The following CSGALNACT1 variants were observed in gnomAD, a reference collection of about 807,000 sequenced individuals.
The protein encoded by CSGALNACT1 is chondroitin sulfate N-acetylgalactosaminyltransferase 1, also known as beta4GalNAcT-1.
Under a neutral mutation model 51.0 loss-of-function variants are expected in CSGALNACT1, and 52 were observed. That is an observed-to-expected ratio of 1.02 (90% CI 0.82 to 1.29). The LOEUF (loss-of-function observed/expected upper bound fraction) is 1.29. Ranked by LOEUF, CSGALNACT1 falls within the 50% of genes most tolerant of loss-of-function variation. The pLI is 0.00. For missense variants in CSGALNACT1, 935 were observed against 679.2 expected, an observed-to-expected ratio of 1.38 and a Z score of -4.19; for synonymous variants, 341 against 254.4, an observed-to-expected ratio of 1.34 and a Z score of -3.24.
chr8:19,534,675 C>T (rs370828863), intron 3 of CSGALNACT1, among the ~76,000 whole-genome samples: 17 of 151,882 alleles, frequency 1.1e-4, no homozygotes, highest in Non-Finnish European at 7.4e-5. Flanking sequence ...AATCGAAAAC[C>T]GAATCAGAAA....
At chr8:19,551,483 G>C (rs2088074022) in intron 3 of CSGALNACT1, among the ~76,000 whole-genome samples, 1 of 152,210 alleles carries the variant, frequency 6.6e-6, no homozygotes, top group African/African-American at 2.4e-5. Flanking sequence ...GGGTGAGACA[G>C]ATTAGAGCAT....
exon 10 of CSGALNACT1, chr8:19,404,995 G>C (rs1346640836): frequency 2.2e-6 from 1 of 453,748 alleles, no homozygotes; most frequent in African/African-American, 2.0e-5. Context: ...CCTTGGATAT[G>C]GCATCAATTT....
At chr8:19,505,172 C>G (rs751153521) in intron 4 of CSGALNACT1, 29 bp downstream of exon 3, 4 of 1,613,898 alleles carry the variant, frequency 2.5e-6, no homozygotes, top group Non-Finnish European at 3.4e-6. Context: ...CTTTTCTTCT[C>G]CTTTCCCCCC....
intron 3 of CSGALNACT1, among the ~76,000 whole-genome samples, chr8:19,509,820 G>T (rs949774865): frequency 6.6e-6 from 1 of 152,046 alleles, no homozygotes; most frequent in African/African-American, 2.4e-5. Flanking sequence ...GGAAAGCAAC[G>T]TGTAATTACC....
In CSGALNACT1 at chr8:19,550,456, G is replaced by A. The variant is rs530298199; in HGVS notation, c.-297+40704C>T. ...CTGTCATCATGCTTCTCATTTCCAA[G>A]CCCTCTTTCATGGATGCAATATCTT... On this transcript the variant is annotated intron_variant, in intron 3 of 9. Transcript: ENST00000454498. Among the ~76,000 whole-genome samples, 284 of 152,232 alleles carry A rather than the reference G, an allele frequency of 1.9e-3. 1 individual carries two copies. Among genetic ancestry groups the A allele is most frequent in the African/African-American group, 6.6e-3 (276 of 41,530 alleles).
At chr8:19,538,997 C>T (rs887776013) in intron 3 of CSGALNACT1, among the ~76,000 whole-genome samples, 7 of 152,140 alleles carry the variant, frequency 4.6e-5, no homozygotes, top group African/African-American at 1.2e-4. Context: ...AGACCTTGTG[C>T]TGGGCATACA....
intron 4 of CSGALNACT1, among the ~76,000 whole-genome samples, chr8:19,474,907 T>C (rs2153886080): frequency 1.4e-5 from 2 of 145,086 alleles, no homozygotes; most frequent in Middle Eastern, 7.5e-3. Context: ...AGAAAGCAAC[T>C]TCCATTTTTG....
At chr8:19,529,232 G>C (rs1457384286) in intron 3 of CSGALNACT1, among the ~76,000 whole-genome samples, 2 of 152,142 alleles carry the variant, frequency 1.3e-5, no homozygotes, top group Admixed American at 6.5e-5. Context: ...GAGTGGGAAG[G>C]AAATGGAGAC....
At chr8:19,421,209 A>G (rs1386826274) in intron 6 of CSGALNACT1, among the ~76,000 whole-genome samples, 3 of 152,160 alleles carry the variant, frequency 2.0e-5, no homozygotes, top group Non-Finnish European at 4.4e-5. Flanking sequence ...ACTATCCCAC[A>G]GGGTTATTAG....
chr8:19,453,807 G>C (rs930783788), intron 5 of CSGALNACT1, among the ~76,000 whole-genome samples: 1 of 152,044 alleles, frequency 6.6e-6, no homozygotes, highest in Admixed American at 6.6e-5. Context: ...AGCTACTCGG[G>C]AGGCTGAGGT....
At position 19,590,852 on chromosome 8, in the gene CSGALNACT1, T is replaced by C. The variant is rs1363083280; in HGVS notation, c.-297+308A>G. Among the ~76,000 whole-genome samples, 3 of 152,158 alleles carry C rather than the reference T, an allele frequency of 2.0e-5. No homozygotes were observed. The East Asian group carries it at 5.8e-4, about 29-fold the overall frequency. On this transcript the variant is annotated intron_variant, in intron 3 of 9. Coordinates refer to ENST00000454498, the Ensembl canonical transcript of CSGALNACT1. ...TTTTAGTAGAGACGGGGTTTCACCA[T>C]GTTGGCCAGGCTGGTTTTGAACTCG... is the stretch of plus-strand genomic sequence containing the variant.
intron 1 of CSGALNACT1, among the ~76,000 whole-genome samples, chr8:19,636,988 G>C (rs1425324882): frequency 6.6e-6 from 1 of 151,682 alleles, no homozygotes; most frequent in East Asian, 1.9e-4. Flanking sequence ...TCAGGAATTC[G>C]AGATCAGCCT....
chr8:19,615,288 G>C (rs1217346989), intron 1 of CSGALNACT1, among the ~76,000 whole-genome samples: 2 of 152,228 alleles, frequency 1.3e-5, no homozygotes, highest in African/African-American at 2.4e-5. Flanking sequence ...GGGGGACAAA[G>C]TGAGACTCCA....
chr8:19,652,660 A>C (rs1261115699), intron 1 of CSGALNACT1, among the ~76,000 whole-genome samples: 1 of 152,122 alleles, frequency 6.6e-6, no homozygotes, highest in Non-Finnish European at 1.5e-5. Flanking sequence ...TCCTCTATTT[A>C]CAGTAGACTT....
intron 4 of CSGALNACT1, among the ~76,000 whole-genome samples, chr8:19,488,555 A>G (rs536183140): frequency 1.6e-3 from 236 of 151,992 alleles, no homozygotes; most frequent in African/African-American, 5.4e-3. Context: ...ACGGTATCTC[A>G]GAGAAAATCA....
At chr8:19,656,531 A>G (rs1307441466) in intron 1 of CSGALNACT1, among the ~76,000 whole-genome samples, 1 of 151,964 alleles carries the variant, frequency 6.6e-6, no homozygotes, top group Non-Finnish European at 1.5e-5. Context: ...TTTACACTTA[A>G]AACACACACG....
At chr8:19,615,264 C>G (rs540794714) in intron 1 of CSGALNACT1, among the ~76,000 whole-genome samples, 22 of 152,286 alleles carry the variant, frequency 1.4e-4, no homozygotes, top group African/African-American at 5.3e-4. Context: ...GATTGTGCCA[C>G]TGTACTCCAG....
chr8:19,574,749 C>T (rs760562603), intron 3 of CSGALNACT1, among the ~76,000 whole-genome samples: 1 of 152,036 alleles, frequency 6.6e-6, no homozygotes, highest in African/African-American at 2.4e-5. Context: ...ATCCTCTCTC[C>T]GGCCAGATGT....
rs1589624003 is a variant in CSGALNACT1 at position 19,707,679 on chromosome 8, T to A, written c.-297+50171A>T. Among the ~76,000 whole-genome samples, 5 of 136,788 alleles carry A rather than the reference T, an allele frequency of 3.7e-5. No individual in the cohort carries two copies. The East Asian group carries it at 1.0e-3, about 28-fold the overall frequency. 89.7% of individuals were successfully genotyped at this position (136,788 alleles called of 152,430 possible). A position where few individuals can be genotyped will look rare whatever the true frequency, so the allele number is the denominator to read the frequency against. ...GTATATGTTTAACTAATATGCTTTT[T>A]TTAATCCACAAAAAAACCCCTAAAC... On this transcript the variant is annotated intron_variant, in intron 1 of 1. Transcript: ENST00000517494.
Sources: allele counts gnomAD v4.1 joint callset (sites outside exome capture counted in the v4.1 genomes callset), GRCh38; gene constraint gnomAD v4.1.1; transcripts MANE v1.5; gene names NCBI Gene and HGNC (gene_info 2026-07-23, HGNC 2026-07-21).